Variants in IQGAP1 observed in about 807,000 individuals in gnomAD.
IQGAP1 encodes IQ motif containing GTPase activating protein 1, also known as ras GTPase-activating-like protein IQGAP1.
A neutral mutation model predicts 215.6 loss-of-function variants in IQGAP1; 66 were observed. The observed-to-expected ratio is 0.31, with a 90% CI of 0.25 to 0.38. The LOEUF (loss-of-function observed/expected upper bound fraction) is 0.38. Among genes scored for constraint, IQGAP1 ranks in the 10% least tolerant of loss-of-function variants. The pLI is 1.00. For synonymous variants in IQGAP1, 772 were observed against 728.7 expected, an observed-to-expected ratio of 1.06 and a Z score of -0.96; for missense variants, 1,712 against 1,997.1, an observed-to-expected ratio of 0.86 and a Z score of 2.72.
intron 2 of IQGAP1, among the ~76,000 whole-genome samples, chr15:90,403,582 G>C (rs1241579928): frequency 6.6e-6 from 1 of 152,182 alleles, no homozygotes; most frequent in Non-Finnish European, 1.5e-5. Context: ...TATCATGATT[G>C]TGTCTCTTTC....
chr15:90,450,662 C>T lies in IQGAP1; in HGVS notation c.1162+1019C>T, dbSNP rs1965590758. ...CATTTTAATTGGGGTGAGAAAGTAT[C>T]TCATTGTGGTTTTGATGTGTATTTC... On this transcript the variant is annotated intron_variant, in intron 11 of 37. Transcript: ENST00000268182. 2.6e-5 allele frequency among the ~76,000 whole-genome samples: 4 copies of T among 152,026 alleles called. No individual in the cohort carries two copies. In the South Asian group the frequency reaches 8.3e-4, roughly 32 times the overall value.
rs1040448273 is a variant in IQGAP1, at chr15:90,430,974, A to G, written c.390+1308A>G. ...ATTACAATATAGAATATATTGTAATATAATTTTACAATATTATATAATATA... is the reference window on the plus strand; with the variant it reads ...ATTACAATATAGAATATATTGTAATGTAATTTTACAATATTATATAATATA... On this transcript the variant is annotated intron_variant, in intron 4 of 37. Coordinates refer to ENST00000268182, the MANE Select transcript of IQGAP1 (RefSeq NM_003870.4). Among the ~76,000 whole-genome samples the G allele has an allele frequency of 3.4e-5, 5 of 148,098 alleles. No individual in the cohort carries two copies. In the Admixed American group the frequency reaches 3.4e-4, roughly 10 times the overall value.
chr15:90,429,526 A>C (rs1037575376), intron 3 of IQGAP1, 63 bp from the exon 4 acceptor site: 3 of 1,247,392 alleles, frequency 2.4e-6, no homozygotes, highest in Non-Finnish European at 3.4e-6. Context: ...TTGCGAAGAG[A>C]GTTTTTATTT....
At chr15:90,492,458 A>T in intron 34 of IQGAP1, 87 bp from the exon 35 acceptor site, 2 of 891,236 alleles carry the variant, frequency 2.2e-6, no homozygotes, top group Non-Finnish European at 3.2e-6. Flanking sequence ...AGTCATATTT[A>T]AGGCAGAGTT....
rs774187858 is a variant in IQGAP1 at position 90,439,348 on chromosome 15, C to T, written c.484C>T (p.Leu162=). The change falls in exon 6 of 38, where the codon CTA becomes TTA. Residue 162 remains leucine (L), a synonymous_variant. Transcript: ENST00000268182. ...IHALSLYLFK[L]GLAPQIQDLY... is the part of the protein sequence containing the mutation. ...ATCTTCTAGTTTGTACCTGTTCAAG[C>T]TAGGCCTGGCCCCTCAGATTCAAGA... 12 of 1,613,218 alleles carry T rather than the reference C, an allele frequency of 7.4e-6. No homozygotes were observed. The East Asian group carries it at 2.7e-4, about 36-fold the overall frequency.
intron 15 of IQGAP1, 28 bp from the exon 16 acceptor site, chr15:90,465,973 T>G: frequency 6.4e-7 from 1 of 1,569,476 alleles, no homozygotes; most frequent in Non-Finnish European, 8.8e-7. Context: ...TTTCATGACT[T>G]TAATATTTTG....
Position 90,487,071 on chromosome 15 carries a change from C to G in IQGAP1, c.4142C>G (p.Ala1381Gly). Residue 1381 changes from alanine to glycine, a missense_variant, in exon 32 of 38, where the codon GCT becomes GGT. By Grantham distance (60) the Ala-to-Gly change is moderately conservative (BLOSUM62 0). Around this residue, in one of 2 missense-constraint regions of IQGAP1, gnomAD observed 691 missense variants for 923.0 expected, o/e 0.75. Transcript: ENST00000268182. ...GGAGATGAGAATGCAGAAATGGATG[C>G]TCGAACCATCTTACTGAAGTGAGTA... ...VPGDENAEMD[A>G]RTILLNTKRL... 1 of 1,614,034 alleles carries G rather than the reference C, an allele frequency of 6.2e-7. No homozygotes were observed. The highest frequency in any genetic ancestry group is 8.5e-7 in the Non-Finnish European group (1 of 1,179,976).
At chr15:90,399,563 T>A (rs556814075) in intron 2 of IQGAP1, among the ~76,000 whole-genome samples, 3 of 152,218 alleles carry the variant, frequency 2.0e-5, no homozygotes, top group Non-Finnish European at 2.9e-5. Flanking sequence ...TTTTATTGAG[T>A]TTAAATGTCA....
At position 90,453,267 on chromosome 15, in the gene IQGAP1, A is replaced by G. The variant is rs778049563; in HGVS notation, c.1462A>G (p.Asn488Asp). 6.2e-7 allele frequency: 1 copy of G among 1,612,772 alleles called. No homozygotes were observed. The highest frequency in any genetic ancestry group is 1.1e-5 in the South Asian group (1 of 90,836). Residue 488 changes from asparagine (N) to aspartate (D), a missense_variant, in exon 13 of 38, where the codon AAT (asparagine) becomes GAT (aspartate). This residue lies in a region of IQGAP1 where 1,021 missense variants were observed against 1,074.2 expected (regional missense o/e 0.95). Coordinates refer to ENST00000268182, the MANE Select transcript of IQGAP1 (RefSeq NM_003870.4). ...QLSSSVTGLT[N>D]IEEENCQRYL... ...GAGCAGTTCAGTTACTGGTCTTACCAATATTGAGGAAGAAAACTGTCAGAG... is the reference window on the plus strand; with the variant it reads ...GAGCAGTTCAGTTACTGGTCTTACCGATATTGAGGAAGAAAACTGTCAGAG...
intron 2 of IQGAP1, among the ~76,000 whole-genome samples, chr15:90,407,327 G>A (rs1964893789): frequency 6.6e-6 from 1 of 152,190 alleles, no homozygotes; most frequent in African/African-American, 2.4e-5. Context: ...TATAAAATCA[G>A]AATCTCAGAA....
At chr15:90,474,917 C>G in intron 23 of IQGAP1, 4 of 519,152 alleles carry the variant, frequency 7.7e-6, no homozygotes, top group Non-Finnish European at 1.4e-5. Context: ...TCAAGCAATT[C>G]TCCTCCCTCA....
intron 11 of IQGAP1, among the ~76,000 whole-genome samples, chr15:90,451,885 A>G (rs1965609027): frequency 6.7e-6 from 1 of 148,714 alleles, no homozygotes; most frequent in Admixed American, 6.7e-5. Context: ...GCTGGAGTGC[A>G]GTGGCACAAT....
rs1044669737 is a variant in IQGAP1 at position 90,433,604 on chromosome 15, A to G, written c.391-115A>G. 17 of 557,132 alleles carry G rather than the reference A, an allele frequency of 3.1e-5. No homozygotes were observed. In the South Asian group the frequency reaches 3.7e-4, roughly 12 times the overall value. The allele number at this position is 557,132 out of a possible 1,614,324, so 34.5% of individuals were successfully genotyped here. On this transcript the variant is annotated intron_variant, in intron 4 of 37. Coordinates refer to ENST00000268182, the MANE Select transcript of IQGAP1 (RefSeq NM_003870.4). Reference sequence around the variant, plus strand: ...TGAATGCCACCGATGTTTTCTAAGAATGCCACCGATGTTTTCTAACTGTCC... The same window carrying G: ...TGAATGCCACCGATGTTTTCTAAGAGTGCCACCGATGTTTTCTAACTGTCC...
chr15:90,406,179 A>C (rs1475120842), intron 2 of IQGAP1, among the ~76,000 whole-genome samples: 1 of 152,216 alleles, frequency 6.6e-6, no homozygotes, highest in Non-Finnish European at 1.5e-5. Context: ...TCCAGAGCAC[A>C]TTGTCAGATG....
chr15:90,417,871 T>A (rs1045273660), intron 2 of IQGAP1, among the ~76,000 whole-genome samples: 1 of 152,226 alleles, frequency 6.6e-6, no homozygotes, highest in African/African-American at 2.4e-5. Context: ...CATTTGTTTG[T>A]ATCCTCTTTT....
chr15:90,474,336 C>A, intron 22 of IQGAP1, 149 bp from the exon 23 acceptor site: 2 of 770,734 alleles, frequency 2.6e-6, no homozygotes, highest in Non-Finnish European at 4.3e-6. Context: ...ATAGCAATAG[C>A]CTGACACAGA....
rs1403943407 is a variant in IQGAP1 at position 90,423,099 on chromosome 15, A to AG, written c.156-3007dup. 1.3e-5 allele frequency among the ~76,000 whole-genome samples: 2 copies of AG among 150,720 alleles called. 1 individual carries two copies. The highest frequency in any genetic ancestry group is 4.9e-5 in the African/African-American group (2 of 41,118). On this transcript the variant is annotated intron_variant, in intron 2 of 37. Transcript: ENST00000268182. ...TCTGATTCTGTGATTTAGTAGAAGA[A>AG]GGGGAAATCTCATGTGAGCTGTAGA...
chr15:90,399,115 C>G (rs893091908), intron 2 of IQGAP1, among the ~76,000 whole-genome samples: 3 of 151,528 alleles, frequency 2.0e-5, no homozygotes, highest in Non-Finnish European at 4.4e-5. Context: ...TTCACCTCAC[C>G]TAACTAATTA....
chr15:90,442,873 G>A (rs1028466074), intron 8 of IQGAP1, among the ~76,000 whole-genome samples: 2 of 152,146 alleles, frequency 1.3e-5, no homozygotes, highest in African/African-American at 4.8e-5. Flanking sequence ...TCAGGAGGCT[G>A]AAGCAAGAGA....
Sources: gnomAD v4.1 joint callset for allele counts (sites outside exome capture counted in the v4.1 genomes callset) on GRCh38, gnomAD v4.1.1 for gene constraint, gnomAD v4.1.1 regional missense constraint, MANE v1.5 for transcripts, NCBI Gene and HGNC (gene_info 2026-07-23, HGNC 2026-07-21) for gene names.